Variants in ARRDC5 observed in about 807,000 individuals in gnomAD.
ARRDC5 encodes the protein arrestin domain-containing protein 5.
Under a neutral mutation model 13.3 loss-of-function variants are expected in ARRDC5, and 12 were observed. The ratio of observed to expected loss-of-function variants is 0.90; its 90% CI spans 0.58 to 1.46. ARRDC5 has a LOEUF of 1.46. Among genes scored for constraint, ARRDC5 ranks in the 40% most tolerant of loss-of-function variants. ARRDC5 has a pLI of 0.00. For synonymous variants in ARRDC5, 181 were observed against 173.4 expected, an observed-to-expected ratio of 1.04 and a Z score of -0.34; for missense variants, 406 against 418.7, an observed-to-expected ratio of 0.97 and a Z score of 0.26.
Position 4,902,595 on chromosome 19 carries a change from C to T in ARRDC5, c.231G>A (p.Lys77=), listed in dbSNP as rs1366707905. 1 of 1,613,856 alleles carries T rather than the reference C, an allele frequency of 6.2e-7. No homozygotes were observed. The change falls in exon 1 of 3, where the codon AAG becomes AAA. Residue 77 remains lysine (K), a synonymous_variant. Transcript: ENST00000650722. ...TACCCTCCACTGGGAATGTCTTTGT[C>T]TTATGCACGTAGTCTGCCTTGTTGT... ...ICNNKADYVH[K]TKTFPVEDNW...
upstream of ARRDC5, among the ~76,000 whole-genome samples, chr19:4,905,348 T>C (rs1047128032): frequency 6.6e-6 from 1 of 151,376 alleles, no homozygotes; most frequent in African/African-American, 2.4e-5. Flanking sequence ...CTCCATCTCC[T>C]GACCTCGTGA....
intron 2 of ARRDC5, among the ~76,000 whole-genome samples, chr19:4,896,358 TTTTACACACACACACACAC>T: frequency 1.2e-5 from 1 of 84,658 alleles, no homozygotes; most frequent in East Asian, 3.0e-4. Flanking sequence ...ATTTTTTTTT[TTTTACACACACACACACAC>T]ACACACACAC....
chr19:4,896,832 T>A lies in ARRDC5; in HGVS notation c.298A>T (p.Asn100Tyr), dbSNP rs762673477. Residue 100 changes from asparagine (N) to tyrosine (Y), a missense_variant, in exon 2 of 3, where the codon AAC becomes TAC. Physicochemically the swap from Asn to Tyr is moderately radical, Grantham distance 143. Coordinates refer to ENST00000650722, the MANE Select transcript of ARRDC5 (RefSeq NM_001080523.3). ...AGSHTFDFHF[N>Y]LPPRLPSTFT... ...GTAGAAGGAAGCCTGGGAGGTAAGT[T>A]GAAATGGAAGTCAAAGGTGTGGCTG... The A allele has an allele frequency of 6.2e-7, 1 of 1,613,842 alleles. No individual in the cohort carries two copies. The highest frequency in any genetic ancestry group is 1.1e-5 in the South Asian group (1 of 91,074).
chr19:4,913,655 A>C, the ARRDC5 span, among the ~76,000 whole-genome samples: 2 of 152,018 alleles, frequency 1.3e-5, no homozygotes, highest in Non-Finnish European at 2.9e-5. Context: ...TGGGATTGGA[A>C]CCTGGGATTT....
rs1459211532 is a variant in ARRDC5 at position 4,891,482 on chromosome 19, G to T, written c.551C>A (p.Thr184Asn). ...VCLQIQMERNTFTPGEKVVFT... is the reference protein window; with the variant it reads ...VCLQIQMERNNFTPGEKVVFT... ...GACGACCTTCTCTCCTGGCGTGAAGGTGTTCCTTTCCATCTGGATTTGCAA... is the reference window on the plus strand; with the variant it reads ...GACGACCTTCTCTCCTGGCGTGAAGTTGTTCCTTTCCATCTGGATTTGCAA... The change falls in exon 3 of 3, where the codon ACC (threonine) becomes AAC (asparagine). Residue 184 changes from threonine (T) to asparagine (N), a missense_variant. Transcript: ENST00000650722. 6.2e-7 allele frequency: 1 copy of T among 1,613,890 alleles called. No individual in the cohort carries two copies. The highest frequency in any genetic ancestry group is 1.7e-5 in the Admixed American group (1 of 59,996).
chr19:4,909,385 C>A, the ARRDC5 span: 2 of 632,704 alleles, frequency 3.2e-6, no homozygotes, highest in Non-Finnish European at 5.7e-6. Context: ...CGCCCCCCAC[C>A]CTCTTTCTCG....
intron 2 of ARRDC5, among the ~76,000 whole-genome samples, chr19:4,892,726 G>A (rs1249673709): frequency 1.3e-5 from 2 of 152,030 alleles, no homozygotes; most frequent in Non-Finnish European, 2.9e-5. Context: ...TATTCTACTT[G>A]TTGCCTGTTC....
In ARRDC5 at chr19:4,890,645, C is replaced by T; in HGVS notation, c.*401G>A. On this transcript the variant is annotated 3_prime_UTR_variant, in exon 3 of 3. Coordinates refer to ENST00000650722, the MANE Select transcript of ARRDC5 (RefSeq NM_001080523.3). ...GCAGGGTGCTGAACAGCGTCCCTGG[C>T]CTCCACCCTCTCCACGCCAATAAGA... 1 of 234,126 alleles carries T rather than the reference C, an allele frequency of 4.3e-6. No individual in the cohort carries two copies. The highest frequency in any genetic ancestry group is 6.3e-5 in the South Asian group (1 of 15,940). 14.5% of individuals were successfully genotyped at this position (234,126 alleles called of 1,614,324 possible).
chr19:4,893,120 T>TA (rs1568393832), intron 2 of ARRDC5, among the ~76,000 whole-genome samples: 6 of 131,544 alleles, frequency 4.6e-5, no homozygotes, highest in Non-Finnish European at 9.8e-5. Flanking sequence ...ATATATATAT[T>TA]ATAATAATAT....
At chr19:4,903,809 A>G (rs1025191139), upstream of ARRDC5, among the ~76,000 whole-genome samples, 2 of 151,914 alleles carry the variant, frequency 1.3e-5, no homozygotes, top group Non-Finnish European at 2.9e-5. Flanking sequence ...AGGTGCATAC[A>G]CACTCATTTT....
At chr19:4,906,992 G>A (rs141925336), upstream of ARRDC5, among the ~76,000 whole-genome samples, 16 of 152,300 alleles carry the variant, frequency 1.1e-4, no homozygotes, top group East Asian at 2.7e-3. Context: ...GTGCAGTAGC[G>A]TTGATCGTGT....
the ARRDC5 span, among the ~76,000 whole-genome samples, chr19:4,909,963 A>G: frequency 1.3e-5 from 2 of 149,372 alleles, no homozygotes; most frequent in Non-Finnish European, 3.0e-5. Context: ...CCCGCGATTC[A>G]ATTGTCGCGC....
chr19:4,904,552 A>AGT (rs2032025572), upstream of ARRDC5, among the ~76,000 whole-genome samples: 1 of 151,510 alleles, frequency 6.6e-6, no homozygotes, highest in Non-Finnish European at 1.5e-5. Context: ...TGACCTCATG[A>AGT]TCCACCCGCC....
At chr19:4,910,928 A>C in the ARRDC5 span, 1 of 1,613,602 alleles carries the variant, frequency 6.2e-7, no homozygotes, top group Non-Finnish European at 8.5e-7. Context: ...GCAGACCCAC[A>C]CGGTGGACTC....
At chr19:4,909,829 C>T in the ARRDC5 span, 6 of 409,572 alleles carry the variant, frequency 1.5e-5, no homozygotes, top group Admixed American at 9.0e-5. Context: ...CGGCACACAT[C>T]CGGCTGGAGC....
intron 1 of ARRDC5, among the ~76,000 whole-genome samples, chr19:4,897,535 A>G (rs2031776146): frequency 6.6e-6 from 1 of 151,910 alleles, no homozygotes; most frequent in African/African-American, 2.4e-5. Flanking sequence ...TTCTTTTTGT[A>G]GGGACAAAGT....
intron 2 of ARRDC5, among the ~76,000 whole-genome samples, chr19:4,894,694 AAG>A (rs201872796): frequency 0.22 from 30,087 of 136,618 alleles, 3,586 homozygotes; most frequent in Middle Eastern, 0.37. Context: ...AAAAAAAAAA[AAG>A]AAGAAGAAGG....
chr19:4,894,980 G>T (rs899927336), intron 2 of ARRDC5, among the ~76,000 whole-genome samples: 1 of 152,046 alleles, frequency 6.6e-6, no homozygotes, highest in Non-Finnish European at 1.5e-5. Context: ...TTCGTAGCAT[G>T]CGTTAGGACC....
rs1235403676 is a variant in ARRDC5 at position 4,891,077 on chromosome 19, A to G, written c.956T>C (p.Val319Ala). 1.9e-6 allele frequency: 3 copies of G among 1,613,418 alleles called. No individual in the cohort carries two copies. Among genetic ancestry groups the G allele is most frequent in the Non-Finnish European group, 2.5e-6 (3 of 1,179,674 alleles). Residue 319 changes from valine (V) to alanine (A), a missense_variant, in exon 3 of 3, where the codon GTG (valine) becomes GCG (alanine). Transcript: ENST00000650722. ...CTGGTGATCTGGGTTCACGGGTAAC[A>G]CTCCGTCCTCTGACAGCTGGCAGAT... ...SAICQLSEDG[V>A]LPVNPDHQN is the part of the protein sequence containing the mutation.
Sources: allele counts gnomAD v4.1 joint callset (sites outside exome capture counted in the v4.1 genomes callset), GRCh38; gene constraint gnomAD v4.1.1; transcripts MANE v1.5; gene names NCBI Gene and HGNC (gene_info 2026-07-23, HGNC 2026-07-21).